TRPC7: variants seen among roughly 807,000 people sequenced by gnomAD.
TRPC7 encodes the protein short transient receptor potential channel 7.
A neutral mutation model predicts 90.1 loss-of-function variants in TRPC7; 42 were observed. The ratio of observed to expected loss-of-function variants is 0.47; its 90% CI spans 0.36 to 0.60. The LOEUF is 0.60. Ranked by LOEUF, TRPC7 falls within the 20% of genes least tolerant of loss-of-function variation. The pLI is 0.00. For missense variants in TRPC7, 955 were observed against 1,112.3 expected (o/e 0.86, Z 2.01); for synonymous variants, 451 against 436.3 (o/e 1.03, Z -0.42).
chr5:136,349,774 C>A (rs191964791), intron 2 of TRPC7, among the ~76,000 whole-genome samples: 1 of 152,218 alleles, frequency 6.6e-6, no homozygotes, highest in Non-Finnish European at 1.5e-5. Context: ...ACAAGTATTC[C>A]AGTTTGGTCA....
chr5:136,356,211 G>T (rs976097268), intron 2 of TRPC7, among the ~76,000 whole-genome samples: 14 of 152,226 alleles, frequency 9.2e-5, no homozygotes, highest in Non-Finnish European at 1.9e-4. Context: ...AAGCCACATA[G>T]GTGAAATAAT....
intron 1 of TRPC7, among the ~76,000 whole-genome samples, chr5:136,358,715 T>C (rs1760467985): frequency 6.6e-6 from 1 of 152,224 alleles, no homozygotes; most frequent in African/African-American, 2.4e-5. Context: ...AGATCTCAGA[T>C]AACTATGAAA....
chr5:136,271,582 T>C (rs1436757532), intron 4 of TRPC7, among the ~76,000 whole-genome samples: 3 of 152,228 alleles, frequency 2.0e-5, no homozygotes, highest in Non-Finnish European at 4.4e-5. Flanking sequence ...AAGAACTCTT[T>C]AGGCAAACAG....
chr5:136,355,257 G>A (rs1050799742), intron 2 of TRPC7, among the ~76,000 whole-genome samples: 1 of 152,198 alleles, frequency 6.6e-6, no homozygotes, highest in Non-Finnish European at 1.5e-5. Flanking sequence ...AACCTCACAA[G>A]CTCAATATAC....
intron 5 of TRPC7, among the ~76,000 whole-genome samples, chr5:136,255,229 C>T (rs942996703): frequency 2.0e-5 from 3 of 152,220 alleles, no homozygotes; most frequent in Non-Finnish European, 4.4e-5. Context: ...AGAAGTTCTA[C>T]TTTGGGTCAA....
At chr5:136,291,940 G>C (rs925572851) in intron 3 of TRPC7, among the ~76,000 whole-genome samples, 5 of 152,068 alleles carry the variant, frequency 3.3e-5, no homozygotes, top group African/African-American at 1.2e-4. Context: ...ATAACAAACT[G>C]TCTCTCAGAC....
chr5:136,227,377 T>A (rs1755660598), intron 8 of TRPC7, among the ~76,000 whole-genome samples: 2 of 152,198 alleles, frequency 1.3e-5, no homozygotes, highest in African/African-American at 4.8e-5. Flanking sequence ...TTCCCTCACA[T>A]AGCCCTGAGG....
intron 7 of TRPC7, among the ~76,000 whole-genome samples, chr5:136,233,033 G>T (rs1157971712): frequency 1.3e-5 from 2 of 152,074 alleles, no homozygotes; most frequent in Non-Finnish European, 2.9e-5. Context: ...CTCTTGACTC[G>T]CATGAATTTA....
chr5:136,219,895 A>C (rs192041179), intron 10 of TRPC7, among the ~76,000 whole-genome samples: 2 of 152,364 alleles, frequency 1.3e-5, no homozygotes, highest in East Asian at 3.9e-4. Flanking sequence ...AGAAATGGCC[A>C]AAAGTTCTGT....
At chr5:136,316,090 C>T (rs1473497222) in intron 2 of TRPC7, 1 of 279,544 alleles carries the variant, frequency 3.6e-6, no homozygotes, top group Non-Finnish European at 6.7e-6. Flanking sequence ...CTTACTGAGT[C>T]AGAATACCTG....
intron 2 of TRPC7, among the ~76,000 whole-genome samples, chr5:136,337,298 T>G (rs1759695398): frequency 1.3e-5 from 2 of 152,254 alleles, no homozygotes; most frequent in African/African-American, 4.8e-5. Context: ...CTCTTGCTCC[T>G]GATTTTTTTA....
intron 2 of TRPC7, among the ~76,000 whole-genome samples, chr5:136,325,418 T>C (rs970545845): frequency 4.6e-5 from 7 of 152,174 alleles, no homozygotes; most frequent in Admixed American, 6.5e-5. Flanking sequence ...TTTTCCCTTC[T>C]TCCCTCTCTC....
chr5:136,274,902 A>C, intron 3 of TRPC7, 65 bp from the exon 4 acceptor site: 1 of 1,504,570 alleles, frequency 6.6e-7, no homozygotes, highest in Non-Finnish European at 8.9e-7. Flanking sequence ...TAGCACTTGA[A>C]CAGTATACAA....
In TRPC7 at chr5:136,247,334, C is replaced by T; in HGVS notation, c.1844+137G>A. 2.1e-6 allele frequency: 2 copies of T among 943,388 alleles called. No individual in the cohort carries two copies. The highest frequency in any genetic ancestry group is 1.5e-6 in the Non-Finnish European group (1 of 649,836). 58.4% of individuals were successfully genotyped at this position (943,388 alleles called of 1,614,324 possible). ...ACTCCAGAACCTGAACTCTAAACCACCCTTGAATAAAGTTGCCTTTAACCT... is the reference window on the plus strand; with the variant it reads ...ACTCCAGAACCTGAACTCTAAACCATCCTTGAATAAAGTTGCCTTTAACCT... On this transcript the variant is annotated intron_variant, in intron 7 of 11. Coordinates refer to ENST00000513104, the MANE Select transcript of TRPC7 (RefSeq NM_020389.3). This position sits in a 1 kb window ranked among gnomAD's most constrained non-coding sequence, Gnocchi z 4.2.
At chr5:136,288,771 G>A (rs1299817273) in intron 3 of TRPC7, among the ~76,000 whole-genome samples, 1 of 152,152 alleles carries the variant, frequency 6.6e-6, no homozygotes, top group East Asian at 1.9e-4. Context: ...ACCATGTAAG[G>A]GACCTTCAGG....
intron 3 of TRPC7, among the ~76,000 whole-genome samples, chr5:136,298,945 C>A (rs1758275360): frequency 6.6e-6 from 1 of 152,054 alleles, no homozygotes; most frequent in African/African-American, 2.4e-5. Context: ...GAGACTATGC[C>A]TGGCTTGTTC....
intron 5 of TRPC7, among the ~76,000 whole-genome samples, chr5:136,260,752 AGACT>A (rs1289261806): frequency 1.3e-5 from 2 of 152,086 alleles, no homozygotes; most frequent in African/African-American, 2.4e-5. Context: ...CATTGAGAAC[AGACT>A]GAGTCATGGG....
chr5:136,213,696 G>C (rs1755166606), intron 11 of TRPC7, 92 bp from the exon 12 acceptor site: 11 of 1,429,470 alleles, frequency 7.7e-6, no homozygotes, highest in Non-Finnish European at 9.6e-6. Flanking sequence ...CCTTCCAGTG[G>C]AATGTCGGGT....
chr5:136,346,405 G>A (rs1040383408), intron 2 of TRPC7, among the ~76,000 whole-genome samples: 1 of 152,028 alleles, frequency 6.6e-6, no homozygotes, highest in Admixed American at 6.5e-5. Flanking sequence ...ATACTTGAGA[G>A]GGCACTGTCC....
Sources: allele counts gnomAD v4.1 joint callset (sites outside exome capture counted in the v4.1 genomes callset), GRCh38; gene constraint gnomAD v4.1.1; non-coding constraint Gnocchi (gnomAD v3.1); transcripts MANE v1.5; gene names NCBI Gene and HGNC (gene_info 2026-07-23, HGNC 2026-07-21).